The following HORMAD2 variants were observed in gnomAD, a reference collection of about 807,000 sequenced individuals.
HORMAD2 encodes HORMA domain-containing protein 2.
In HORMAD2, 45 loss-of-function variants were observed where a neutral mutation model predicts 38.8. The observed-to-expected ratio is 1.16, with a 90% confidence interval of 0.91 to 1.49. The LOEUF is 1.49. Among genes scored for constraint, HORMAD2 ranks in the 40% most tolerant of loss-of-function variants. HORMAD2 has a pLI of 0.00. For missense variants in HORMAD2, 338 were observed against 367.0 expected, an observed-to-expected ratio of 0.92 and a Z score of 0.65; for synonymous variants, 126 against 122.8, an observed-to-expected ratio of 1.03 and a Z score of -0.17.
intron 10 of HORMAD2, among the ~76,000 whole-genome samples, chr22:30,146,308 T>C (rs1924412109): frequency 2.0e-5 from 3 of 151,964 alleles, no homozygotes; most frequent in Admixed American, 2.0e-4. Flanking sequence ...CTGTCCAACA[T>C]GGTGAAACCC....
chr22:30,190,399 A>C, the HORMAD2 span, among the ~76,000 whole-genome samples: 2 of 152,196 alleles, frequency 1.3e-5, no homozygotes, highest in African/African-American at 4.8e-5. Context: ...TGGGCATTGA[A>C]TTCCCCCGAC....
At chr22:30,096,182 C>T (rs2068778550) in intron 2 of HORMAD2, among the ~76,000 whole-genome samples, 1 of 152,114 alleles carries the variant, frequency 6.6e-6, no homozygotes, top group African/African-American at 2.4e-5. Context: ...ATTTATTCTA[C>T]TGTTGATGAG....
chr22:30,163,141 T>C (rs1231463097), intron 10 of HORMAD2, among the ~76,000 whole-genome samples: 1 of 152,222 alleles, frequency 6.6e-6, no homozygotes, highest in Non-Finnish European at 1.5e-5. Flanking sequence ...TGTGGCATAG[T>C]AATCCTTAGT....
chr22:30,129,691 T>C (rs1337368318), intron 10 of HORMAD2, among the ~76,000 whole-genome samples: 3 of 151,988 alleles, frequency 2.0e-5, no homozygotes, highest in African/African-American at 4.8e-5. Context: ...TTTTTTTTTC[T>C]TTGAGATGCA....
chr22:30,207,148 C>G, the HORMAD2 span: 1 of 465,468 alleles, frequency 2.1e-6, no homozygotes, highest in Non-Finnish European at 4.5e-6. Flanking sequence ...GCTCACTGTG[C>G]TCCCGCCCGC....
intron 10 of HORMAD2, chr22:30,137,648 C>G (rs1569106302): frequency 1.9e-5 from 3 of 161,274 alleles, no homozygotes; most frequent in Non-Finnish European, 4.0e-5. Context: ...CTTTTGCCAC[C>G]TTTCATAAAG....
In HORMAD2 at chr22:30,176,363, G is replaced by A. The variant is rs1346124676; in HGVS notation, c.*196G>A. The A allele has an allele frequency of 1.7e-5, 9 of 529,276 alleles. No homozygotes were observed. The highest frequency in any genetic ancestry group is 3.9e-5 in the African/African-American group (2 of 51,700). The allele number at this position is 529,276 out of a possible 1,614,324, so 32.8% of individuals were successfully genotyped here. On this transcript the variant is annotated 3_prime_UTR_variant, in exon 11 of 11. Coordinates refer to ENST00000336726, the MANE Select transcript of HORMAD2 (RefSeq NM_152510.4). Reference sequence around the variant, plus strand: ...GAGTCCACTTTGCCATAAGGAAAGCGGGTCAATAGGGCTGCCTCTGGATAG... The same window carrying A: ...GAGTCCACTTTGCCATAAGGAAAGCAGGTCAATAGGGCTGCCTCTGGATAG...
At chr22:30,102,059 C>A (rs1920950514) in intron 3 of HORMAD2, among the ~76,000 whole-genome samples, 1 of 151,860 alleles carries the variant, frequency 6.6e-6, no homozygotes, top group Non-Finnish European at 1.5e-5. Flanking sequence ...TACAGTGAGA[C>A]TCTGTCTCAA....
intron 10 of HORMAD2, among the ~76,000 whole-genome samples, chr22:30,173,091 G>A (rs1926216996): frequency 6.6e-6 from 1 of 152,176 alleles, no homozygotes; most frequent in African/African-American, 2.4e-5. Context: ...AGCAAAGCGT[G>A]GGAGTGGGCA....
At chr22:30,198,871 A>C in the HORMAD2 span, among the ~76,000 whole-genome samples, 2 of 152,240 alleles carry the variant, frequency 1.3e-5, no homozygotes, top group Admixed American at 6.5e-5. Context: ...ATGAGGTGAG[A>C]GAAAACCAAG....
intron 1 of HORMAD2, among the ~76,000 whole-genome samples, chr22:30,092,627 C>T (rs1034644109): frequency 2.0e-4 from 30 of 151,986 alleles, no homozygotes; most frequent in African/African-American, 7.0e-4. Context: ...AATTTTGAGC[C>T]TTACATTTAA....
intron 10 of HORMAD2, among the ~76,000 whole-genome samples, chr22:30,156,427 GAATGTAGA>G (rs1317943726): frequency 6.6e-6 from 1 of 152,098 alleles, no homozygotes; most frequent in Non-Finnish European, 1.5e-5. Flanking sequence ...TAACCTAAAT[GAATGTAGA>G]AACAAAACAA....
chr22:30,124,816 T>C (rs1922718576), intron 10 of HORMAD2, among the ~76,000 whole-genome samples: 1 of 152,168 alleles, frequency 6.6e-6, no homozygotes, highest in Non-Finnish European at 1.5e-5. Flanking sequence ...TCTAGGCTTG[T>C]GTATTTTCAA....
chr22:30,122,096 T>C lies in HORMAD2; in HGVS notation c.701T>C (p.Val234Ala). 3 of 1,613,746 alleles carry C rather than the reference T, an allele frequency of 1.9e-6. No individual in the cohort carries two copies. The highest frequency in any genetic ancestry group is 2.5e-6 in the Non-Finnish European group (3 of 1,179,780). Reference sequence around the variant, plus strand: ...GGCTTTCATAGCATGAAAGTAAAAGTCATGACAGAGGCTACAAAAGTGATT... The same window carrying C: ...GGCTTTCATAGCATGAAAGTAAAAGCCATGACAGAGGCTACAAAAGTGATT... ...STGFHSMKVK[V>A]MTEATKVIDL... The change falls in exon 10 of 11, where the codon GTC becomes GCC. Residue 234 changes from valine to alanine, a missense_variant. Transcript: ENST00000336726.
rs544399788 is a variant in HORMAD2, at chr22:30,147,093, G to A, written c.819+24879G>A. 3.9e-5 allele frequency among the ~76,000 whole-genome samples: 6 copies of A among 152,292 alleles called. No homozygotes were observed. In the South Asian group the frequency reaches 1.2e-3, roughly 32 times the overall value. On this transcript the variant is annotated intron_variant, in intron 10 of 10. Transcript: ENST00000336726. The stretch of plus-strand genomic sequence containing the variant: ...CATATTCATGGATTGGAAGACTCAA[G>A]TGAGATGTTAATTTTCCCCAAATTG...
At chr22:30,093,048 A>C (rs1408766388) in intron 1 of HORMAD2, among the ~76,000 whole-genome samples, 1 of 151,952 alleles carries the variant, frequency 6.6e-6, no homozygotes, top group African/African-American at 2.4e-5. Flanking sequence ...TTTGACAGGG[A>C]TTGCATTTGA....
At chr22:30,201,483 C>A in the HORMAD2 span, among the ~76,000 whole-genome samples, 1 of 141,506 alleles carries the variant, frequency 7.1e-6, no homozygotes, top group African/African-American at 2.7e-5. Flanking sequence ...GTGGCGCGAT[C>A]TCAGCTCACT....
the HORMAD2 span, among the ~76,000 whole-genome samples, chr22:30,201,507 C>T: frequency 6.6e-6 from 1 of 151,394 alleles, no homozygotes; most frequent in Non-Finnish European, 1.5e-5. Flanking sequence ...GGCTCCGCCC[C>T]GCGGGGTTCA....
intron 1 of HORMAD2, among the ~76,000 whole-genome samples, chr22:30,091,244 CTCTTTCTT>C (rs2068676511): frequency 2.7e-5 from 4 of 147,380 alleles, no homozygotes; most frequent in African/African-American, 1.0e-4. Flanking sequence ...CTCTCTCTCT[CTCTTTCTT>C]TCTCTCTTTC....
Sources: allele counts gnomAD v4.1 joint callset (sites outside exome capture counted in the v4.1 genomes callset), GRCh38; gene constraint gnomAD v4.1.1; transcripts MANE v1.5; gene names NCBI Gene and HGNC (gene_info 2026-07-23, HGNC 2026-07-21).